The following FRMD6 variants were observed in gnomAD, a reference collection of about 807,000 sequenced individuals.
FRMD6 encodes the protein FERM domain-containing protein 6.
In FRMD6, 37 loss-of-function variants were observed where a neutral mutation model predicts 73.2. The ratio of observed to expected loss-of-function variants is 0.51; its 90% CI spans 0.39 to 0.66. FRMD6 has a LOEUF of 0.66. FRMD6 is among the 30% of genes least tolerant of loss of function. The pLI is 0.00. For synonymous variants in FRMD6, 273 were observed against 282.2 expected, an observed-to-expected ratio of 0.97 and a Z score of 0.33; for missense variants, 714 against 780.5, an observed-to-expected ratio of 0.91 and a Z score of 1.02.
At chr14:51,524,084 A>T (rs1885096097) in intron 1 of FRMD6, among the ~76,000 whole-genome samples, 1 of 152,168 alleles carries the variant, frequency 6.6e-6, no homozygotes, top group Non-Finnish European at 1.5e-5. Flanking sequence ...ACACATACAC[A>T]ATATCTCATA....
chr14:51,665,893 C>T (rs1193750612), intron 1 of FRMD6, among the ~76,000 whole-genome samples: 1 of 152,142 alleles, frequency 6.6e-6, no homozygotes, highest in Non-Finnish European at 1.5e-5. Context: ...TGAGTTGTGC[C>T]TTTCACCTTC....
At position 51,728,095 on chromosome 14, in the gene FRMD6, C is replaced by T. The variant is rs1490310266; in HGVS notation, c.*66C>T. ...CTAGAGGATGCGAAAGTCATAAGTT[C>T]TTTACATATTACTTGTGCCATATCT... On this transcript the variant is annotated 3_prime_UTR_variant, in exon 14 of 14. Coordinates refer to ENST00000344768, the MANE Select transcript of FRMD6 (RefSeq NM_001267046.2). 7.0e-7 allele frequency: 1 copy of T among 1,418,922 alleles called. No individual in the cohort carries two copies. The highest frequency in any genetic ancestry group is 9.6e-7 in the Non-Finnish European group (1 of 1,037,576). The allele number at this position is 1,418,922 out of a possible 1,614,324, so 87.9% of individuals were successfully genotyped here.
intron 2 of FRMD6, among the ~76,000 whole-genome samples, chr14:51,583,691 G>C (rs74054641): frequency 0.047 from 7,119 of 152,252 alleles, 212 homozygotes; most frequent in Middle Eastern, 0.092. Context: ...TTGACTCCAG[G>C]TGGTCTGGCT....
chr14:51,688,621 A>G (rs1190826279), intron 1 of FRMD6, among the ~76,000 whole-genome samples: 1 of 152,234 alleles, frequency 6.6e-6, no homozygotes, highest in Non-Finnish European at 1.5e-5. Context: ...TCCTGGAAAT[A>G]GTCTTTTACG....
chr14:51,413,494 C>A, the FRMD6 span, among the ~76,000 whole-genome samples: 106 of 152,192 alleles, frequency 7.0e-4, no homozygotes, highest in African/African-American at 2.4e-3. Flanking sequence ...TGAACTCATC[C>A]TTTTTTATGG....
At chr14:51,712,613 C>A in intron 9 of FRMD6, 62 bp downstream of exon 9, 1 of 1,056,938 alleles carries the variant, frequency 9.5e-7, no homozygotes. Context: ...TTTTGGGTTT[C>A]TGTTATTTTT....
In FRMD6 at chr14:51,729,678, C is replaced by G. The variant is rs1471284375; in HGVS notation, c.*1649C>G. ...CAGGTAACGAAATAGATGTAGGGTA[C>G]AGTGGAACATAAGCAGTGTTACCCC... On this transcript the variant is annotated 3_prime_UTR_variant, in exon 14 of 14. Coordinates refer to ENST00000344768, the MANE Select transcript of FRMD6 (RefSeq NM_001267046.2). The G allele has an allele frequency of 6.6e-6, 1 of 152,484 alleles. No homozygotes were observed. Among genetic ancestry groups the G allele is most frequent in the Non-Finnish European group, 1.5e-5 (1 of 68,026 alleles). 9.4% of individuals were successfully genotyped at this position (152,484 alleles called of 1,614,324 possible).
chr14:51,421,777 C>T, the FRMD6 span, among the ~76,000 whole-genome samples: 1 of 152,214 alleles, frequency 6.6e-6, no homozygotes, highest in African/African-American at 2.4e-5. Context: ...TTTGGTAAAG[C>T]TGCTGCACAG....
At chr14:51,505,886 T>C (rs1883938063) in intron 1 of FRMD6, among the ~76,000 whole-genome samples, 1 of 152,184 alleles carries the variant, frequency 6.6e-6, no homozygotes, top group Non-Finnish European at 1.5e-5. Flanking sequence ...GCAAATGACC[T>C]TTTTATTGGT....
At chr14:51,469,599 C>T in the FRMD6 span, among the ~76,000 whole-genome samples, 3 of 120,578 alleles carry the variant, frequency 2.5e-5, no homozygotes, top group African/African-American at 3.2e-5. Context: ...GGCGACAGAG[C>T]GAGACTCCAT....
At chr14:51,451,031 G>A in the FRMD6 span, among the ~76,000 whole-genome samples, 1 of 152,196 alleles carries the variant, frequency 6.6e-6, no homozygotes, top group East Asian at 1.9e-4. Flanking sequence ...ATGACGTGGA[G>A]GAGTTGAGTC....
At chr14:51,526,578 T>C (rs1885267845) in intron 1 of FRMD6, among the ~76,000 whole-genome samples, 1 of 152,196 alleles carries the variant, frequency 6.6e-6, no homozygotes, top group African/African-American at 2.4e-5. Context: ...AGTCCCCTAA[T>C]AATGCTCTTT....
intron 3 of FRMD6, among the ~76,000 whole-genome samples, chr14:51,700,388 G>T (rs999918994): frequency 6.6e-6 from 1 of 151,964 alleles, no homozygotes; most frequent in Non-Finnish European, 1.5e-5. Flanking sequence ...TTCACCTTAT[G>T]AGCATCATCC....
chr14:51,580,236 C>T (rs1400014118), intron 2 of FRMD6, among the ~76,000 whole-genome samples: 2 of 152,002 alleles, frequency 1.3e-5, no homozygotes, highest in Non-Finnish European at 2.9e-5. Flanking sequence ...GGACACCTGC[C>T]CTGCTCATTG....
intron 2 of FRMD6, among the ~76,000 whole-genome samples, chr14:51,616,825 C>G (rs1045546270): frequency 6.6e-6 from 1 of 152,150 alleles, no homozygotes; most frequent in African/African-American, 2.4e-5. Flanking sequence ...AGTAAACAAG[C>G]CACTTGGAGA....
At chr14:51,452,185 T>C in the FRMD6 span, among the ~76,000 whole-genome samples, 1 of 152,038 alleles carries the variant, frequency 6.6e-6, no homozygotes, top group African/African-American at 2.4e-5. Flanking sequence ...GAAAGAAAAA[T>C]GGGAATTTAA....
In FRMD6 at chr14:51,547,502, C is replaced by A. The variant is rs191430632; in HGVS notation, c.-209-22846C>A. Among the ~76,000 whole-genome samples the A allele has an allele frequency of 6.6e-5, 10 of 152,238 alleles. No individual in the cohort carries two copies. The South Asian group carries it at 1.2e-3, about 19-fold the overall frequency. On this transcript the variant is annotated intron_variant, in intron 1 of 14. Transcript: ENST00000356218. ...TATTGTATGTGGATTCTGTAATAGT[C>A]TTGGAATAGTGTTCTGTGATTCATA...
the FRMD6 span, among the ~76,000 whole-genome samples, chr14:51,433,036 A>C: frequency 1.3e-5 from 2 of 152,246 alleles, no homozygotes; most frequent in Non-Finnish European, 2.9e-5. Context: ...CTTGCCTGTC[A>C]GGCTGGCAAA....
At chr14:51,487,413 A>G, upstream of FRMD6, among the ~76,000 whole-genome samples, 1 of 152,256 alleles carries the variant, frequency 6.6e-6, no homozygotes, top group East Asian at 1.9e-4. Context: ...GCTGTACATT[A>G]AGCCAGTGCT....
Sources: allele counts gnomAD v4.1 joint callset (sites outside exome capture counted in the v4.1 genomes callset), GRCh38; gene constraint gnomAD v4.1.1; transcripts MANE v1.5; gene names NCBI Gene and HGNC (gene_info 2026-07-23, HGNC 2026-07-21).